Variants in REV1 observed in about 807,000 individuals in gnomAD.
REV1 encodes the protein REV1 DNA directed polymerase, also known as translesion synthesis protein REV1.
In REV1, 42 loss-of-function variants were observed where a neutral mutation model predicts 137.4. The ratio of observed to expected loss-of-function variants is 0.31; its 90% CI spans 0.24 to 0.40. The LOEUF (loss-of-function observed/expected upper bound fraction) is 0.40, where lower values mean the gene tolerates loss of function less well. Ranked by LOEUF, REV1 falls within the 10% of genes least tolerant of loss-of-function variation. REV1 has a pLI of 1.00. For missense variants in REV1, 1,282 were observed against 1,490.1 expected (o/e 0.86, Z 2.30); for synonymous variants, 524 against 519.2 (o/e 1.01, Z -0.12).
At chr2:99,416,687 G>C (rs1398275476) in intron 12 of REV1, among the ~76,000 whole-genome samples, 1 of 152,054 alleles carries the variant, frequency 6.6e-6, no homozygotes, top group Admixed American at 6.6e-5. Context: ...AGCACTTTGG[G>C]AGGCCGAGGC....
rs145779732 is a variant in REV1 at position 99,480,086 on chromosome 2, C to T, written c.-11+9731G>A. Among the ~76,000 whole-genome samples, 514 of 152,240 alleles carry T rather than the reference C, an allele frequency of 3.4e-3. 2 individuals carry two copies. The highest frequency in any genetic ancestry group is 0.012 in the African/African-American group (493 of 41,540). On this transcript the variant is annotated intron_variant, in intron 1 of 22. Transcript: ENST00000258428. ...TGTATCTCAGCACTTTGCGGGGTTA[C>T]GGCAGGAGGACTGCTCAAGCCCAGG...
intron 6 of REV1, among the ~76,000 whole-genome samples, chr2:99,436,394 A>G (rs1680757288): frequency 6.6e-6 from 1 of 152,180 alleles, no homozygotes; most frequent in African/African-American, 2.4e-5. Flanking sequence ...TGAGGTAGGT[A>G]ATCGTATCAT....
intron 1 of REV1, among the ~76,000 whole-genome samples, chr2:99,484,587 GACTTTT>G: frequency 2.6e-5 from 1 of 38,314 alleles, no homozygotes; most frequent in Non-Finnish European, 4.6e-5. Context: ...TATTTTTAAT[GACTTTT>G]AAATATGAGA....
At chr2:99,475,032 T>C (rs2105267713) in intron 1 of REV1, among the ~76,000 whole-genome samples, 1 of 152,340 alleles carries the variant, frequency 6.6e-6, no homozygotes, top group Non-Finnish European at 1.5e-5. Flanking sequence ...GAGTTGGACC[T>C]GTTTGAAATG....
intron 2 of REV1, among the ~76,000 whole-genome samples, chr2:99,464,426 T>G (rs777510114): frequency 2.0e-5 from 3 of 152,152 alleles, no homozygotes; most frequent in African/African-American, 7.2e-5. Context: ...CATTAAAACT[T>G]TGGGGTGTTG....
In REV1 at chr2:99,438,786, G is replaced by A. The variant is rs757797576; in HGVS notation, c.1028C>T (p.Pro343Leu). 1 of 1,614,264 alleles carries A rather than the reference G, an allele frequency of 6.2e-7. No individual in the cohort carries two copies. Among genetic ancestry groups the A allele is most frequent in the South Asian group, 1.1e-5 (1 of 91,082 alleles). Residue 343 changes from proline (P) to leucine (L), a missense_variant, in exon 6 of 23, where the codon CCT (proline) becomes CTT (leucine). Coordinates refer to ENST00000258428, the MANE Select transcript of REV1 (RefSeq NM_016316.4). ...SKAAPSVPSK[P>L]SDCNFISNFY... ...GTTTGAAATAAAATTGCAGTCTGAA[G>A]GTTTGGATGGCACTGAAGGTGCTGC...
At chr2:99,469,448 A>G (rs1450184796) in intron 1 of REV1, among the ~76,000 whole-genome samples, 1 of 152,214 alleles carries the variant, frequency 6.6e-6, no homozygotes, top group Non-Finnish European at 1.5e-5. Flanking sequence ...AAGTAATCAA[A>G]TTATAAAGAC....
At chr2:99,418,282 G>C (rs1342108423) in intron 12 of REV1, among the ~76,000 whole-genome samples, 1 of 152,174 alleles carries the variant, frequency 6.6e-6, no homozygotes, top group Non-Finnish European at 1.5e-5. Flanking sequence ...CTGCCCCTTA[G>C]GTGAGAAAGG....
rs529288038 is a variant in REV1, at chr2:99,428,849, G to A, written c.1547+991C>T. 1.1e-4 allele frequency among the ~76,000 whole-genome samples: 17 copies of A among 152,144 alleles called. No individual in the cohort carries two copies. The South Asian group carries it at 1.2e-3, about 11-fold the overall frequency. On this transcript the variant is annotated intron_variant, in intron 9 of 22. Coordinates refer to ENST00000258428, the MANE Select transcript of REV1 (RefSeq NM_016316.4). ...CTAAAAAAATACAAAAAAATTAGCCGGGTGTGGTGGCGAGCACCTGTAGTC... is the reference window on the plus strand; with the variant it reads ...CTAAAAAAATACAAAAAAATTAGCCAGGTGTGGTGGCGAGCACCTGTAGTC...
intron 1 of REV1, among the ~76,000 whole-genome samples, chr2:99,468,193 A>C (rs1312399059): frequency 2.6e-5 from 4 of 151,820 alleles, no homozygotes; most frequent in African/African-American, 9.7e-5. Context: ...AAAAAAAAAA[A>C]AGAAAGAAAG....
chr2:99,420,531 C>T (rs28382933), intron 11 of REV1, among the ~76,000 whole-genome samples: 144 of 152,340 alleles, frequency 9.5e-4, no homozygotes, highest in Admixed American at 3.8e-3. Context: ...CTAGGCGCTC[C>T]GTCTGCCACT....
At chr2:99,482,058 T>C (rs762087535) in intron 1 of REV1, among the ~76,000 whole-genome samples, 2 of 152,178 alleles carry the variant, frequency 1.3e-5, no homozygotes, top group African/African-American at 2.4e-5. Flanking sequence ...ATGCTGGAAA[T>C]GCCAACCATG....
rs773377315 is a variant in REV1 at position 99,462,613 on chromosome 2, T to C, written c.64A>G (p.Met22Val). 13 of 1,610,090 alleles carry C rather than the reference T, an allele frequency of 8.1e-6. No homozygotes were observed. In the East Asian group the frequency reaches 2.0e-4, roughly 25 times the overall value. Reference sequence around the variant, plus strand: ...TCCAATTTCTGGACCTTGGCAGCCATATACCCACCCTAGAATTAAAGAAAA... The same window carrying C: ...TCCAATTTCTGGACCTTGGCAGCCACATACCCACCCTAGAATTAAAGAAAA... ...NDGWETWGGY[M>V]AAKVQKLEEQ... Residue 22 changes from methionine to valine, a missense_variant, in exon 3 of 23, where the codon ATG becomes GTG. Physicochemically the swap from Met to Val is conservative, Grantham distance 21. Coordinates refer to ENST00000258428, the MANE Select transcript of REV1 (RefSeq NM_016316.4).
Position 99,402,980 on chromosome 2 carries a change from G to T in REV1, c.3293C>A (p.Pro1098His). ...ACAGGCCCCTGGCAGAGTTTTTGCA[G>T]GACTGTTAAGCAGCTTGTTATTCAA... Reference protein sequence around the residue: ...SPLNNKLLNSPAKTLPGACGS... With the variant: ...SPLNNKLLNSHAKTLPGACGS... Residue 1098 changes from proline (P) to histidine (H), a missense_variant, in exon 20 of 23, where the codon CCT becomes CAT. By Grantham distance (77) the Pro-to-His change is moderately conservative (BLOSUM62 -2). Around this residue, in one of 7 missense-constraint regions of REV1, gnomAD observed 170 missense variants for 156.8 expected, o/e 1.08. Transcript: ENST00000258428. 1 of 1,614,198 alleles carries T rather than the reference G, an allele frequency of 6.2e-7. No homozygotes were observed. Among genetic ancestry groups the T allele is most frequent in the Non-Finnish European group, 8.5e-7 (1 of 1,180,032 alleles).
At chr2:99,464,897 T>A in intron 2 of REV1, 25 bp downstream of exon 2, 1 of 1,604,756 alleles carries the variant, frequency 6.2e-7, no homozygotes, top group East Asian at 2.2e-5. Flanking sequence ...TTCGATATAA[T>A]TATTTTTACT....
chr2:99,439,290 ATCT>A lies in REV1; in HGVS notation c.521_523del (p.Lys174del), dbSNP rs746243207. 7.4e-6 allele frequency: 12 copies of A among 1,612,544 alleles called. No individual in the cohort carries two copies. Among genetic ancestry groups the A allele is most frequent in the Middle Eastern group, 1.7e-4 (1 of 6,060 alleles). ...GACTTTGACTTCATTTTCCGTTTCAATCTTCTTAACGATGTGATTTCTAAAGCA... is the reference window on the plus strand; with the variant it reads ...GACTTTGACTTCATTTTCCGTTTCAATCTTAACGATGTGATTTCTAAAGCA... On this transcript the variant is annotated inframe_deletion, in exon 6 of 23. Coordinates refer to ENST00000258428, the MANE Select transcript of REV1 (RefSeq NM_016316.4).
At chr2:99,404,258 GCT>G (rs1675937938) in intron 18 of REV1, among the ~76,000 whole-genome samples, 184 bp downstream of exon 18, 1 of 152,122 alleles carries the variant, frequency 6.6e-6, no homozygotes, top group South Asian at 2.1e-4. Flanking sequence ...GCGGGAGGCT[GCT>G]CTGTGTCTAC....
At chr2:99,482,250 T>C (rs2104271671) in intron 1 of REV1, among the ~76,000 whole-genome samples, 1 of 152,358 alleles carries the variant, frequency 6.6e-6, no homozygotes, top group South Asian at 2.1e-4. Context: ...ACTGGAAGGA[T>C]GACACGTCCT....
chr2:99,421,397 C>T (rs1678657005), intron 11 of REV1, 102 bp downstream of exon 11: 2 of 1,135,302 alleles, frequency 1.8e-6, no homozygotes, highest in Admixed American at 4.8e-5. Flanking sequence ...AACGGTTTTA[C>T]AAGTGAGAGG....
Sources: allele counts gnomAD v4.1 joint callset (sites outside exome capture counted in the v4.1 genomes callset), GRCh38; gene constraint gnomAD v4.1.1; regional missense constraint gnomAD v4.1.1; transcripts MANE v1.5; gene names NCBI Gene and HGNC (gene_info 2026-07-23, HGNC 2026-07-21).